Variants in WWOX observed in about 807,000 individuals in gnomAD.
WWOX encodes the protein WW domain-containing oxidoreductase.
In WWOX, 69 loss-of-function variants were observed where a neutral mutation model predicts 46.2. The ratio of observed to expected loss-of-function variants is 1.49; its 90% CI spans 1.23 to 1.82. The LOEUF is 1.82. WWOX is among the 40% of genes most tolerant of loss of function. WWOX has a pLI of 0.00. For missense variants in WWOX, 919 were observed against 542.6 expected (o/e 1.69, Z -6.89); for synonymous variants, 359 against 202.6 (o/e 1.77, Z -6.56).
At chr16:79,061,132 T>C (rs1160921935) in intron 8 of WWOX, among the ~76,000 whole-genome samples, 1 of 152,190 alleles carries the variant, frequency 6.6e-6, no homozygotes, top group African/African-American at 2.4e-5. Context: ...TCACAGTCTC[T>C]CAATCCTTTA....
chr16:78,249,294 C>T (rs115406710), intron 5 of WWOX, among the ~76,000 whole-genome samples: 4 of 152,232 alleles, frequency 2.6e-5, no homozygotes, highest in African/African-American at 9.7e-5. Context: ...CAAAGCTGCA[C>T]TGCCTCACGA....
chr16:78,639,166 G>A (rs2046644196), intron 8 of WWOX, among the ~76,000 whole-genome samples: 7 of 152,158 alleles, frequency 4.6e-5, no homozygotes, highest in Admixed American at 4.6e-4. Flanking sequence ...AAAGTCTGTT[G>A]AGTTTGGAAG....
intron 8 of WWOX, among the ~76,000 whole-genome samples, chr16:78,934,990 G>C (rs1210592768): frequency 6.6e-6 from 1 of 152,038 alleles, no homozygotes; most frequent in Non-Finnish European, 1.5e-5. Context: ...GCAGCCAACA[G>C]ACACATGAAA....
intron 8 of WWOX, among the ~76,000 whole-genome samples, chr16:79,189,037 C>G (rs1368312790): frequency 6.6e-6 from 1 of 151,694 alleles, no homozygotes; most frequent in Non-Finnish European, 1.5e-5. Context: ...CAGAGATTTG[C>G]AGGTGAAAAA....
chr16:78,105,922 C>T (rs1369034931), intron 1 of WWOX, among the ~76,000 whole-genome samples: 1 of 152,180 alleles, frequency 6.6e-6, no homozygotes, highest in Non-Finnish European at 1.5e-5. Flanking sequence ...ATGCCTCAGC[C>T]ACTCAAGTAG....
chr16:78,935,910 T>G (rs373660595), intron 8 of WWOX, among the ~76,000 whole-genome samples: 46 of 151,750 alleles, frequency 3.0e-4, no homozygotes, highest in African/African-American at 1.1e-3. Flanking sequence ...AGACCCTGTC[T>G]CAAAATAAAA....
At chr16:78,152,997 C>G (rs1446227207) in intron 4 of WWOX, among the ~76,000 whole-genome samples, 2 of 152,188 alleles carry the variant, frequency 1.3e-5, no homozygotes, top group Non-Finnish European at 2.9e-5. Flanking sequence ...ATAACACATA[C>G]TTTTAAAAAG....
At chr16:78,388,470 AC>A (rs2082106036) in intron 6 of WWOX, among the ~76,000 whole-genome samples, 1 of 150,816 alleles carries the variant, frequency 6.6e-6, no homozygotes, top group African/African-American at 2.4e-5. Flanking sequence ...ACATTGTGAA[AC>A]CCCATCTCTA....
intron 5 of WWOX, among the ~76,000 whole-genome samples, chr16:78,298,695 G>C (rs1375244918): frequency 6.6e-6 from 1 of 151,968 alleles, no homozygotes; most frequent in Non-Finnish European, 1.5e-5. Context: ...GGAGGCTGAG[G>C]CAGGAGAATC....
At chr16:78,187,223 C>A (rs2035737736) in intron 5 of WWOX, among the ~76,000 whole-genome samples, 1 of 152,070 alleles carries the variant, frequency 6.6e-6, no homozygotes, top group South Asian at 2.1e-4. Context: ...GTCTTTTTGC[C>A]CATCCAACCC....
intron 8 of WWOX, among the ~76,000 whole-genome samples, chr16:78,846,280 GCTATTAA>G (rs1819403760): frequency 6.6e-6 from 1 of 152,158 alleles, no homozygotes; most frequent in African/African-American, 2.4e-5. Context: ...TTGTTATGAT[GCTATTAA>G]CTACACTCAG....
intron 5 of WWOX, among the ~76,000 whole-genome samples, chr16:78,347,741 T>G (rs2081117630): frequency 1.6e-5 from 2 of 122,860 alleles, no homozygotes; most frequent in African/African-American, 5.5e-5. Context: ...TTCATGAGAC[T>G]GCTAAATAGT....
chr16:78,708,415 T>G (rs748332650), intron 8 of WWOX, among the ~76,000 whole-genome samples: 66 of 152,296 alleles, frequency 4.3e-4, no homozygotes, highest in South Asian at 1.2e-3. Flanking sequence ...TGACATCTTT[T>G]TGTTTCTGCC....
At chr16:78,184,303 G>C (rs1432296940) in intron 5 of WWOX, among the ~76,000 whole-genome samples, 1 of 151,964 alleles carries the variant, frequency 6.6e-6, no homozygotes, top group Non-Finnish European at 1.5e-5. Flanking sequence ...GATGGGGTGG[G>C]CTGGGGTAGG....
rs571062369 is a variant in WWOX at position 78,378,286 on chromosome 16, C to T, written c.517-8574C>T. Among the ~76,000 whole-genome samples, 59 of 152,174 alleles carry T rather than the reference C, an allele frequency of 3.9e-4. No homozygotes were observed. The South Asian group carries it at 7.9e-3, about 20-fold the overall frequency. On this transcript the variant is annotated intron_variant, in intron 5 of 8. Transcript: ENST00000566780. ...GAGACTCTCAAACTCCCCTTTCCTG[C>T]GAATCCTATCAGAAAGAACATTTAT...
intron 8 of WWOX, among the ~76,000 whole-genome samples, chr16:78,686,221 C>G (rs1375859350): frequency 2.0e-5 from 3 of 152,116 alleles, no homozygotes; most frequent in Non-Finnish European, 4.4e-5. Context: ...ACTCAGAAAT[C>G]TGTTAGAAGG....
At chr16:78,397,260 G>A (rs1016212546) in intron 6 of WWOX, among the ~76,000 whole-genome samples, 5 of 151,258 alleles carry the variant, frequency 3.3e-5, no homozygotes, top group African/African-American at 1.2e-4. Context: ...ATACTGAAGC[G>A]CTAATTGGAG....
At chr16:78,371,500 C>A (rs1391818077) in intron 5 of WWOX, among the ~76,000 whole-genome samples, 1 of 151,158 alleles carries the variant, frequency 6.6e-6, no homozygotes, top group Admixed American at 6.6e-5. Flanking sequence ...GGTCTGTTGA[C>A]CATTTTATCT....
At chr16:79,018,419 C>CT (rs1371054949) in intron 8 of WWOX, among the ~76,000 whole-genome samples, 2 of 152,156 alleles carry the variant, frequency 1.3e-5, no homozygotes, top group African/African-American at 4.8e-5. Flanking sequence ...CAATCAGATA[C>CT]TTTATCCAAA....
Sources: allele counts gnomAD v4.1 joint callset (sites outside exome capture counted in the v4.1 genomes callset), GRCh38; gene constraint gnomAD v4.1.1; transcripts MANE v1.5; gene names NCBI Gene and HGNC (gene_info 2026-07-23, HGNC 2026-07-21).